The following ZNF831 variants were observed in gnomAD, a reference collection of about 807,000 sequenced individuals.
ZNF831 encodes zinc finger protein 831, also known as chromosome 20 open reading frame 174.
A neutral mutation model predicts 95.8 loss-of-function variants in ZNF831; 59 were observed. The ratio of observed to expected loss-of-function variants is 0.62; its 90% confidence interval spans 0.50 to 0.77. The LOEUF is 0.77. Ranked by LOEUF, ZNF831 falls within the 30% of genes least tolerant of loss-of-function variation. The pLI, the probability that ZNF831 is intolerant of heterozygous loss-of-function variation, is 0.00. For synonymous variants in ZNF831, 961 were observed against 925.5 expected, an observed-to-expected ratio of 1.04 and a Z score of -0.70; for missense variants, 2,205 against 2,164.0, an observed-to-expected ratio of 1.02 and a Z score of -0.38.
chr20:59,166,823 A>T (rs895741767), intron 1 of ZNF831, among the ~76,000 whole-genome samples: 1 of 152,226 alleles, frequency 6.6e-6, no homozygotes, highest in African/African-American at 2.4e-5. Flanking sequence ...TGGTTTAAAT[A>T]TTCATTGTTG....
intron 3 of ZNF831, among the ~76,000 whole-genome samples, chr20:59,201,675 T>G (rs1004975975): frequency 2.0e-5 from 3 of 152,222 alleles, no homozygotes; most frequent in South Asian, 4.1e-4. Flanking sequence ...AAGTTCTTAT[T>G]TTTGTGTGTG....
At chr20:59,151,925 G>A (rs1450272579) in intron 2 of ZNF831, among the ~76,000 whole-genome samples, 2 of 152,178 alleles carry the variant, frequency 1.3e-5, no homozygotes, top group African/African-American at 4.8e-5. Context: ...TTGAATGGTT[G>A]AACATGCTGG....
At chr20:59,167,990 G>T (rs1490435527) in intron 1 of ZNF831, among the ~76,000 whole-genome samples, 1 of 151,650 alleles carries the variant, frequency 6.6e-6, no homozygotes, top group African/African-American at 2.4e-5. Flanking sequence ...TGATTACTTT[G>T]GCTATATAAT....
intron 1 of ZNF831, among the ~76,000 whole-genome samples, chr20:59,126,891 G>A (rs1037104370): frequency 1.6e-4 from 24 of 152,154 alleles, no homozygotes; most frequent in Admixed American, 1.0e-3. Flanking sequence ...TGCAGGACCC[G>A]TTCCTCCCTC....
intron 2 of ZNF831, among the ~76,000 whole-genome samples, chr20:59,195,272 A>T (rs1437061090): frequency 1.3e-5 from 2 of 152,208 alleles, no homozygotes; most frequent in African/African-American, 4.8e-5. Flanking sequence ...AGGTGTTCTC[A>T]CTTGGTGAAG....
At chr20:59,194,958 C>T (rs41276964) in intron 2 of ZNF831, among the ~76,000 whole-genome samples, 2,540 of 152,230 alleles carry the variant, frequency 0.017, 32 homozygotes, top group Admixed American at 0.024. Flanking sequence ...AACAGAGTTG[C>T]GGAAAACATA....
At position 59,164,107 on chromosome 20, in the gene ZNF831, C is replaced by T. The variant is rs537358322; in HGVS notation, c.-137C>T. ...TCATCTCTTCTCTGTGGGGCCAGCC[C>T]AGTGGTCCTTTCTGGACCTGTGGGT... On this transcript the variant is annotated 5_prime_UTR_variant, in exon 1 of 6. Coordinates refer to ENST00000371030, the MANE Select transcript of ZNF831 (RefSeq NM_178457.3). 1.3e-5 allele frequency among the ~76,000 whole-genome samples: 2 copies of T among 152,226 alleles called. No individual in the cohort carries two copies. Among genetic ancestry groups the T allele is most frequent in the East Asian group, 1.9e-4 (1 of 5,176 alleles).
intron 1 of ZNF831, among the ~76,000 whole-genome samples, chr20:59,139,088 A>T (rs1231534418): frequency 1.3e-5 from 2 of 152,172 alleles, no homozygotes; most frequent in African/African-American, 4.8e-5. Flanking sequence ...ATTTATAAAT[A>T]AAGTGTTTCT....
intron 1 of ZNF831, among the ~76,000 whole-genome samples, chr20:59,139,837 A>G (rs559436742): frequency 1.3e-5 from 2 of 152,354 alleles, no homozygotes; most frequent in Admixed American, 1.3e-4. Context: ...GAATGCACAG[A>G]GGATGATAGA....
At chr20:59,239,875 C>T (rs1247898527) in intron 4 of ZNF831, among the ~76,000 whole-genome samples, 2 of 152,156 alleles carry the variant, frequency 1.3e-5, no homozygotes. Context: ...GACCTTGTGA[C>T]TTCTATTGAG....
intron 4 of ZNF831, among the ~76,000 whole-genome samples, chr20:59,210,069 T>C (rs1029189087): frequency 2.6e-5 from 4 of 152,196 alleles, no homozygotes; most frequent in African/African-American, 9.7e-5. Flanking sequence ...TTATCCTATC[T>C]GTGAACCAAC....
intron 4 of ZNF831, among the ~76,000 whole-genome samples, chr20:59,246,531 T>C (rs560678579): frequency 5.6e-4 from 86 of 152,352 alleles, no homozygotes; most frequent in Middle Eastern, 3.4e-3. Context: ...TTTTTTATTG[T>C]CTTTTTTCCT....
At position 59,147,838 on chromosome 20, in the gene ZNF831, G is replaced by A. The variant is rs144217659; in HGVS notation, c.-1281+1464G>A. On this transcript the variant is annotated intron_variant, in intron 2 of 7. Transcript: ENST00000637017. ...AAAAACCTGTTCATATTTCAGAGGC[G>A]AGGCTGTAAATCTGAAGAGCAGCTG... is the stretch of plus-strand genomic sequence containing the variant. Among the ~76,000 whole-genome samples, 576 of 152,316 alleles carry A rather than the reference G, an allele frequency of 3.8e-3. 1 individual carries two copies. Among genetic ancestry groups the A allele is most frequent in the Non-Finnish European group, 5.3e-3 (358 of 68,020 alleles).
chr20:59,129,091 G>C (rs1484760653), intron 1 of ZNF831, among the ~76,000 whole-genome samples: 1 of 152,186 alleles, frequency 6.6e-6, no homozygotes, highest in Non-Finnish European at 1.5e-5. Flanking sequence ...AGACTCACAG[G>C]AAGTTACAAA....
intron 2 of ZNF831, among the ~76,000 whole-genome samples, chr20:59,154,761 C>T (rs1022675036): frequency 2.6e-5 from 4 of 152,180 alleles, no homozygotes; most frequent in African/African-American, 7.2e-5. Context: ...GCCCATTTAG[C>T]GCCTTGGCAC....
intron 1 of ZNF831, among the ~76,000 whole-genome samples, chr20:59,167,586 T>C (rs1326538313): frequency 6.6e-6 from 1 of 152,200 alleles, no homozygotes; most frequent in Non-Finnish European, 1.5e-5. Context: ...AGTTTTATAT[T>C]TCACATTTAA....
intron 1 of ZNF831, among the ~76,000 whole-genome samples, chr20:59,142,965 T>A (rs1021314690): frequency 2.6e-5 from 4 of 152,134 alleles, no homozygotes; most frequent in African/African-American, 4.8e-5. Flanking sequence ...GGCACGATCA[T>A]AACTCACTGC....
chr20:59,129,684 GC>G (rs1428372064), intron 1 of ZNF831, among the ~76,000 whole-genome samples: 1 of 152,106 alleles, frequency 6.6e-6, no homozygotes, highest in African/African-American at 2.4e-5. Context: ...TGCCTGTGTG[GC>G]CCCTTCATGG....
At chr20:59,142,496 G>A (rs953596781) in intron 1 of ZNF831, among the ~76,000 whole-genome samples, 2 of 152,172 alleles carry the variant, frequency 1.3e-5, no homozygotes, top group Non-Finnish European at 2.9e-5. Flanking sequence ...CCAAAGCTTG[G>A]GATTCGTAGC....
Sources: gnomAD v4.1 joint callset for allele counts (sites outside exome capture counted in the v4.1 genomes callset) on GRCh38, gnomAD v4.1.1 for gene constraint, MANE v1.5 for transcripts, NCBI Gene and HGNC (gene_info 2026-07-23, HGNC 2026-07-21) for gene names.